Variants in UNC13C observed in about 807,000 individuals in gnomAD.
UNC13C encodes unc-13 homolog C.
UNC13C carries 174 observed loss-of-function variants against 245.4 expected under a neutral mutation model. That is an observed-to-expected ratio of 0.71 (90% CI 0.63 to 0.80). The LOEUF (loss-of-function observed/expected upper bound fraction) is 0.80. Among genes scored for constraint, UNC13C ranks in the 30% least tolerant of loss-of-function variants. The probability of loss-of-function intolerance (pLI) is 0.00; values close to 1 mark genes in which losing one functional copy is unlikely to be tolerated. For synonymous variants in UNC13C, 992 were observed against 895.1 expected (o/e 1.11, Z -1.93); for missense variants, 2,829 against 2,602.9 (o/e 1.09, Z -1.89).
At chr15:54,186,836 A>ATATATATATATATATATAT (rs1567079825) in intron 4 of UNC13C, among the ~76,000 whole-genome samples, 3 of 126,138 alleles carry the variant, frequency 2.4e-5, no homozygotes, top group Non-Finnish European at 3.4e-5. Flanking sequence ...CAAAGAACAT[A>ATATATATATATATATATAT]ATATATATGT....
chr15:54,009,886 G>A (rs192202896), intron 1 of UNC13C, among the ~76,000 whole-genome samples: 4 of 152,246 alleles, frequency 2.6e-5, no homozygotes, highest in Non-Finnish European at 5.9e-5. Context: ...TCAAGGGACT[G>A]TGCTGAAAGC....
At chr15:54,045,748 C>T (rs758550991) in intron 2 of UNC13C, among the ~76,000 whole-genome samples, 3 of 152,116 alleles carry the variant, frequency 2.0e-5, no homozygotes, top group East Asian at 1.9e-4. Context: ...GGAAATACTT[C>T]GAGATTCTGA....
At chr15:54,197,267 A>G (rs2034384207) in intron 4 of UNC13C, among the ~76,000 whole-genome samples, 1 of 152,038 alleles carries the variant, frequency 6.6e-6, no homozygotes, top group Admixed American at 6.5e-5. Flanking sequence ...ACCTGAGGTC[A>G]GGAGATCGAG....
chr15:53,912,629 A>G, the UNC13C span: 3 of 152,054 alleles, frequency 2.0e-5, no homozygotes, highest in Non-Finnish European at 2.9e-5. Context: ...GGACTTACAC[A>G]CCACAGCCAG....
chr15:53,934,283 G>A, the UNC13C span, among the ~76,000 whole-genome samples: 1 of 152,168 alleles, frequency 6.6e-6, no homozygotes, highest in Non-Finnish European at 1.5e-5. Flanking sequence ...ATGAGATTGG[G>A]AGGACACATC....
rs574213226 is a variant in UNC13C, at chr15:54,272,686, T to A, written c.3818+7190T>A. Among the ~76,000 whole-genome samples the A allele has an allele frequency of 7.6e-4, 116 of 152,328 alleles. 1 individual carries two copies. The highest frequency in any genetic ancestry group is 2.5e-3 in the African/African-American group (104 of 41,558). The stretch of plus-strand genomic sequence containing the variant: ...ATGTCTAGCAGCAGGAAAATAATAA[T>A]AACCAATTCTACTGTTCGCTTGCTA... On this transcript the variant is annotated intron_variant, in intron 10 of 32. Coordinates refer to ENST00000260323, the MANE Select transcript of UNC13C (RefSeq NM_001080534.3).
intron 4 of UNC13C, among the ~76,000 whole-genome samples, chr15:54,156,764 T>G (rs2032765031): frequency 1.1e-5 from 1 of 91,034 alleles, no homozygotes; most frequent in East Asian, 3.4e-4. Flanking sequence ...GGACGGTGCC[T>G]GCAACTGTGG....
At chr15:54,212,874 G>A (rs777782007) in intron 4 of UNC13C, among the ~76,000 whole-genome samples, 7 of 152,108 alleles carry the variant, frequency 4.6e-5, no homozygotes, top group East Asian at 3.9e-4. Context: ...AAAATGCAAG[G>A]CATACCCATT....
chr15:54,099,122 C>T (rs1900033776), intron 2 of UNC13C, among the ~76,000 whole-genome samples: 1 of 152,168 alleles, frequency 6.6e-6, no homozygotes, highest in African/African-American at 2.4e-5. Context: ...TAGTAAAGTT[C>T]TTTACTTGAC....
the UNC13C span, among the ~76,000 whole-genome samples, chr15:53,853,308 C>A: frequency 1.3e-5 from 2 of 151,990 alleles, no homozygotes; most frequent in African/African-American, 4.8e-5. Context: ...GTTTGCACCA[C>A]CCATGCAGAT....
chr15:54,395,187 T>C (rs372599158), intron 18 of UNC13C, among the ~76,000 whole-genome samples: 4 of 151,938 alleles, frequency 2.6e-5, no homozygotes, highest in Admixed American at 6.6e-5. Flanking sequence ...TAGTTTCTCA[T>C]TTAATTTAAT....
At chr15:54,304,037 A>G (rs2037659325) in intron 13 of UNC13C, among the ~76,000 whole-genome samples, 1 of 152,144 alleles carries the variant, frequency 6.6e-6, no homozygotes, top group Non-Finnish European at 1.5e-5. Context: ...ACAACTGTCT[A>G]AGAGCAGGGG....
At chr15:54,368,060 A>G (rs1316893287) in intron 17 of UNC13C, among the ~76,000 whole-genome samples, 1 of 152,158 alleles carries the variant, frequency 6.6e-6, no homozygotes, top group Non-Finnish European at 1.5e-5. Context: ...TAATGCAAGT[A>G]CATGGTTGAC....
At chr15:54,457,682 T>G (rs1161301759) in intron 19 of UNC13C, among the ~76,000 whole-genome samples, 1 of 152,086 alleles carries the variant, frequency 6.6e-6, no homozygotes, top group Non-Finnish European at 1.5e-5. Flanking sequence ...CAAATTGCCT[T>G]GAATGATCTT....
intron 19 of UNC13C, among the ~76,000 whole-genome samples, chr15:54,429,475 A>C (rs776929070): frequency 3.3e-5 from 5 of 151,746 alleles, no homozygotes; most frequent in Admixed American, 6.6e-5. Context: ...GATAAAAAGC[A>C]GTATAGAAAC....
intron 1 of UNC13C, among the ~76,000 whole-genome samples, chr15:54,011,285 A>G (rs1895371621): frequency 6.6e-6 from 1 of 152,124 alleles, no homozygotes; most frequent in Non-Finnish European, 1.5e-5. Context: ...AACTTTTTCT[A>G]ACAATTGTTG....
chr15:54,187,984 A>G (rs535002376), intron 4 of UNC13C, among the ~76,000 whole-genome samples: 1 of 152,032 alleles, frequency 6.6e-6, no homozygotes, highest in South Asian at 2.1e-4. Flanking sequence ...TGCACGGATA[A>G]TTTTTATATT....
chr15:54,125,500 A>G (rs1008000380), intron 2 of UNC13C, among the ~76,000 whole-genome samples: 6 of 152,116 alleles, frequency 3.9e-5, no homozygotes, highest in African/African-American at 7.2e-5. Context: ...GTTTTGGTAA[A>G]AATTGTGTTA....
At chr15:53,846,430 G>C in the UNC13C span, among the ~76,000 whole-genome samples, 1 of 152,320 alleles carries the variant, frequency 6.6e-6, no homozygotes, top group East Asian at 1.9e-4. Flanking sequence ...ATGAGTCCAT[G>C]AGACTAGTGA....
Sources: allele counts gnomAD v4.1 joint callset (sites outside exome capture counted in the v4.1 genomes callset), GRCh38; gene constraint gnomAD v4.1.1; transcripts MANE v1.5; gene names NCBI Gene and HGNC (gene_info 2026-07-23, HGNC 2026-07-21).